UCKL1: variants seen among roughly 807,000 people sequenced by gnomAD.
The protein encoded by UCKL1 is uridine-cytidine kinase-like 1.
Under a neutral mutation model 59.2 loss-of-function variants are expected in UCKL1, and 65 were observed. The ratio of observed to expected loss-of-function variants is 1.10; its 90% CI spans 0.90 to 1.35. The LOEUF is 1.35. Among genes scored for constraint, UCKL1 ranks in the 40% most tolerant of loss-of-function variants. The pLI, the probability that UCKL1 is intolerant of heterozygous loss-of-function variation, is 0.00. For synonymous variants in UCKL1, 410 were observed against 323.1 expected, an observed-to-expected ratio of 1.27 and a Z score of -2.88; for missense variants, 703 against 784.3, an observed-to-expected ratio of 0.90 and a Z score of 1.24.
chr20:63,946,559 C>G lies in UCKL1; in HGVS notation c.198G>C (p.Lys66Asn). Residue 66 changes from lysine to asparagine, a missense_variant, in exon 2 of 15, where the codon AAG becomes AAC. Lys to Asn is a moderately conservative substitution (Grantham distance 94). This residue lies in a region of UCKL1 where 398 missense variants were observed against 373.0 expected (regional missense o/e 1.07). Transcript: ENST00000354216. ...SPRKRTTSQC[K>N]SEPPLLRTSK... ...TTGTACGCAGCAGGGGAGGCTCTGA[C>G]TTGCACTGGCTGGTGGTCCGCTTCC... 1.9e-6 allele frequency: 3 copies of G among 1,611,552 alleles called. No homozygotes were observed. Among genetic ancestry groups the G allele is most frequent in the African/African-American group, 1.3e-5 (1 of 75,062 alleles).
chr20:63,946,035 G>C, intron 3 of UCKL1, 60 bp from the exon 4 acceptor site: 2 of 1,610,954 alleles, frequency 1.2e-6, no homozygotes, highest in South Asian at 2.2e-5. Flanking sequence ...CAATGCCAGC[G>C]GACAGGGGCT....
chr20:63,941,390 G>A, intron 8 of UCKL1, 182 bp from the exon 9 acceptor site: 2 of 919,538 alleles, frequency 2.2e-6, no homozygotes, highest in South Asian at 1.7e-5. Context: ...TACCTGAGCT[G>A]TCAGGCAAAG....
At chr20:63,956,107 T>C (rs897435316) in intron 1 of UCKL1, 153 bp downstream of exon 1, 3 of 723,010 alleles carry the variant, frequency 4.1e-6, no homozygotes, top group Non-Finnish European at 6.1e-6. Context: ...CCCGCGGGGT[T>C]CCACCCGGCA....
chr20:63,940,900 G>A lies in UCKL1; in HGVS notation c.1117-44C>T, dbSNP rs753039450. ...GGACTCCGGTGAGCGCAGGGAGCTC[G>A]CACCGGCTCCAAGACCCACCCTCCA... is the stretch of plus-strand genomic sequence containing the variant. On this transcript the variant is annotated intron_variant, in intron 10 of 14. Transcript: ENST00000354216. 5 of 1,521,758 alleles carry A rather than the reference G, an allele frequency of 3.3e-6. No individual in the cohort carries two copies. The South Asian group carries it at 5.2e-5, about 16-fold the overall frequency. 94.3% of individuals were successfully genotyped at this position (1,521,758 alleles called of 1,614,324 possible). A position where few individuals can be genotyped will look rare whatever the true frequency, so the allele number is the denominator to read the frequency against.
intron 5 of UCKL1, 49 bp downstream of exon 5, chr20:63,945,602 G>C (rs780271625): frequency 2.1e-5 from 34 of 1,595,262 alleles, no homozygotes; most frequent in Admixed American, 8.4e-5. Flanking sequence ...TGGACAGGGC[G>C]GCCAGGGCTG....
intron 7 of UCKL1, 95 bp downstream of exon 7, chr20:63,944,302 G>T: frequency 8.0e-7 from 1 of 1,249,198 alleles, no homozygotes; most frequent in Non-Finnish European, 1.1e-6. Flanking sequence ...GTGAACGCAG[G>T]GGGATGAGGT....
Position 63,944,912 on chromosome 20 carries a change from G to A in UCKL1, c.655-178C>T, listed in dbSNP as rs2055735287. 2.0e-5 allele frequency among the ~76,000 whole-genome samples: 3 copies of A among 151,872 alleles called. No individual in the cohort carries two copies. In the South Asian group the frequency reaches 6.2e-4, roughly 32 times the overall value. On this transcript the variant is annotated intron_variant, in intron 5 of 14. Transcript: ENST00000354216. The stretch of plus-strand genomic sequence containing the variant: ...GGGGGTGTCTGCACCTGGTCCGTGG[G>A]CCTGGCCCGAGCCACTTCCCCAGGG...
chr20:63,955,975 A>C, intron 1 of UCKL1: 1 of 296,690 alleles, frequency 3.4e-6, no homozygotes. Flanking sequence ...CTCGAGGCCG[A>C]GGGCCCCACC....
Position 63,943,452 on chromosome 20 carries a change from G to C in UCKL1, c.923+201C>G, listed in dbSNP as rs141070251. ...CAGGGTCAGGACTCCGTGACGCTGG[G>C]CAAGCTACTTCACGTCTCTGTGCCT... On this transcript the variant is annotated intron_variant, in intron 8 of 14. Transcript: ENST00000354216. 3.1e-3 allele frequency among the ~76,000 whole-genome samples: 474 copies of C among 152,324 alleles called. 4 individuals are homozygous for C. The highest frequency in any genetic ancestry group is 5.1e-3 in the Non-Finnish European group (348 of 68,016).
At chr20:63,945,559 C>T (rs1601120240) in intron 5 of UCKL1, 92 bp downstream of exon 5, 1 of 1,345,778 alleles carries the variant, frequency 7.4e-7, no homozygotes, top group Non-Finnish European at 1.0e-6. Flanking sequence ...AGTGTGGAGG[C>T]CTTGGGGACA....
chr20:63,951,301 C>T (rs1226359386), intron 1 of UCKL1: 4 of 691,712 alleles, frequency 5.8e-6, no homozygotes, highest in Non-Finnish European at 7.1e-6. Flanking sequence ...TGTGGGCTGG[C>T]ACATTCGGCC....
Position 63,946,483 on chromosome 20 carries a change from C to A in UCKL1, c.274G>T (p.Gly92Cys). Residue 92 changes from glycine (G) to cysteine (C), a missense_variant, in exon 2 of 15, where the codon GGC becomes TGC. Physicochemically the swap from Gly to Cys is radical, Grantham distance 159 (BLOSUM62 -3). Around this residue, in one of 4 missense-constraint regions of UCKL1, gnomAD observed 398 missense variants for 373.0 expected, o/e 1.07. Transcript: ENST00000354216. ...AGRPPWYNEH[G>C]TQSKEAFAIG... Reference sequence around the variant, plus strand: ...GCGAAGGCCTCTTTGGATTGCGTGCCGTGTTCATTGTACCAGGGCGGCCGC... The same window carrying A: ...GCGAAGGCCTCTTTGGATTGCGTGCAGTGTTCATTGTACCAGGGCGGCCGC... The A allele has an allele frequency of 6.3e-7, 1 of 1,576,924 alleles. No individual in the cohort carries two copies. Among genetic ancestry groups the A allele is most frequent in the Non-Finnish European group, 8.6e-7 (1 of 1,160,810 alleles).
chr20:63,950,535 C>G (rs1027366850), intron 1 of UCKL1, among the ~76,000 whole-genome samples: 2 of 152,214 alleles, frequency 1.3e-5, no homozygotes, highest in African/African-American at 4.8e-5. Flanking sequence ...TAATTCCAAC[C>G]CGGAGGGTTC....
chr20:63,956,319 A>T lies in UCKL1; in HGVS notation c.54T>A (p.Pro18=). The change falls in exon 1 of 15, where the codon CCT becomes CCA. Residue 18 remains proline (P), a synonymous_variant. Transcript: ENST00000354216. The stretch of plus-strand genomic sequence containing the variant: ...GCCGGCCTGGTGTGTCTCGGGCCGT[A>T]GGTGGCGACGTGGGCGAAGGATCAG... The part of the protein sequence containing the change: ...ADADPSPTSP[P]TARDTPGRQA... 1 of 1,555,682 alleles carries T rather than the reference A, an allele frequency of 6.4e-7. No individual in the cohort carries two copies. The highest frequency in any genetic ancestry group is 8.7e-7 in the Non-Finnish European group (1 of 1,154,740).
chr20:63,946,791 G>C, intron 1 of UCKL1, 148 bp from the exon 2 acceptor site: 3 of 806,096 alleles, frequency 3.7e-6, no homozygotes, highest in Non-Finnish European at 5.7e-6. Flanking sequence ...TAAGAACTCT[G>C]CCTGGGCTGG....
At chr20:63,946,308 G>A in intron 2 of UCKL1, 41 bp from the exon 3 acceptor site, 3 of 1,555,428 alleles carry the variant, frequency 1.9e-6, no homozygotes, top group Non-Finnish European at 2.6e-6. Context: ...GAACAGGCAG[G>A]CTGCCGGCAC....
chr20:63,951,725 G>A (rs1388517159), intron 1 of UCKL1, among the ~76,000 whole-genome samples: 3 of 151,280 alleles, frequency 2.0e-5, no homozygotes, highest in Non-Finnish European at 3.0e-5. Flanking sequence ...CCACCTCCCC[G>A]CCCAGGGCTC....
rs1302592260 is a variant in UCKL1 at position 63,940,384 on chromosome 20, C to G, written c.1404G>C (p.Val468=). 1 of 1,611,722 alleles carries G rather than the reference C, an allele frequency of 6.2e-7. No homozygotes were observed. Among genetic ancestry groups the G allele is most frequent in the African/African-American group, 1.3e-5 (1 of 74,912 alleles). Residue 468 remains valine, a synonymous_variant, in exon 13 of 15, where the codon GTG becomes GTC. Coordinates refer to ENST00000354216, the MANE Select transcript of UCKL1 (RefSeq NM_017859.4). The stretch of plus-strand genomic sequence containing the variant: ...CTACCCAGGGCTCACTCACCAGGAG[C>G]ACGCGCACTGCCATCATGGCCGCCG... The part of the protein sequence containing the change: ...TGAAAMMAVR[V]LLDHDVPEDK...
chr20:63,945,169 T>C (rs1210585864), intron 5 of UCKL1, among the ~76,000 whole-genome samples: 1 of 152,184 alleles, frequency 6.6e-6, no homozygotes, highest in Non-Finnish European at 1.5e-5. Context: ...CACACAGTAG[T>C]TGGCCCGTGA....
Sources: allele counts gnomAD v4.1 joint callset (sites outside exome capture counted in the v4.1 genomes callset), GRCh38; gene constraint gnomAD v4.1.1; regional missense constraint gnomAD v4.1.1; transcripts MANE v1.5; gene names NCBI Gene and HGNC (gene_info 2026-07-23, HGNC 2026-07-21).